The following GOLPH3L variants were observed in gnomAD, a reference collection of about 807,000 sequenced individuals.
The protein encoded by GOLPH3L is golgi phosphoprotein 3 like, also known as Golgi phosphoprotein 3-like.
GOLPH3L carries 22 observed loss-of-function variants against 30.3 expected under a neutral mutation model. The observed-to-expected ratio is 0.73, with a 90% CI of 0.52 to 1.04. GOLPH3L has a LOEUF of 1.04. GOLPH3L is among the 50% of genes least tolerant of loss of function. The pLI is 0.00. For missense variants in GOLPH3L, 303 were observed against 345.8 expected (o/e 0.88, Z 0.98); for synonymous variants, 120 against 128.2 (o/e 0.94, Z 0.43).
chr1:150,654,636 C>A (rs1246850729), intron 4 of GOLPH3L, among the ~76,000 whole-genome samples: 1 of 152,216 alleles, frequency 6.6e-6, no homozygotes, highest in Non-Finnish European at 1.5e-5. Context: ...TACATTTGAG[C>A]CTTTTCCTTT....
At chr1:150,657,976 C>A (rs587649016) in intron 4 of GOLPH3L, among the ~76,000 whole-genome samples, 1 of 152,142 alleles carries the variant, frequency 6.6e-6, no homozygotes, top group African/African-American at 2.4e-5. Context: ...TGGAGAGATC[C>A]GGTAGCAAAA....
intron 4 of GOLPH3L, among the ~76,000 whole-genome samples, chr1:150,654,898 T>G (rs1650208702): frequency 6.6e-6 from 1 of 152,246 alleles, no homozygotes; most frequent in Admixed American, 6.5e-5. Context: ...AGTTTAAGTT[T>G]AAAAGGAGTA....
chr1:150,674,907 G>A (rs1650736315), intron 2 of GOLPH3L, among the ~76,000 whole-genome samples: 1 of 151,524 alleles, frequency 6.6e-6, no homozygotes, highest in Non-Finnish European at 1.5e-5. Context: ...AAAAAAAAGA[G>A]AGAAACAGGG....
At chr1:150,686,814 G>A (rs1040204222) in intron 2 of GOLPH3L, among the ~76,000 whole-genome samples, 3 of 152,144 alleles carry the variant, frequency 2.0e-5, no homozygotes, top group Non-Finnish European at 4.4e-5. Context: ...GAATTAGGGA[G>A]AAGATCTTAA....
chr1:150,694,736 T>C lies in GOLPH3L; in HGVS notation c.103A>G (p.Asn35Asp). ...TCCTTAGAGTCTCCAGAATCTTCAT[T>C]GTCTGGACTTTTCTCCCAATTACTG... The part of the protein sequence containing the change: ...EDSNWEKSPD[N>D]EDSGDSKDIR... The change falls in exon 2 of 5, where the codon AAT (asparagine) becomes GAT (aspartate). Residue 35 changes from asparagine to aspartate, a missense_variant. Physicochemically the swap from Asn to Asp is conservative, Grantham distance 23. Transcript: ENST00000271732. The C allele has an allele frequency of 1.2e-6, 2 of 1,606,802 alleles. No homozygotes were observed. The highest frequency in any genetic ancestry group is 1.7e-6 in the Non-Finnish European group (2 of 1,173,358).
At chr1:150,693,674 A>G (rs991964024) in intron 2 of GOLPH3L, among the ~76,000 whole-genome samples, 2 of 151,582 alleles carry the variant, frequency 1.3e-5, no homozygotes, top group African/African-American at 2.4e-5. Context: ...TCAGGACCTT[A>G]AGACTAACTG....
At chr1:150,659,243 C>A (rs1016863066) in intron 4 of GOLPH3L, among the ~76,000 whole-genome samples, 1 of 152,146 alleles carries the variant, frequency 6.6e-6, no homozygotes, top group Non-Finnish European at 1.5e-5. Flanking sequence ...GAATAGGCCT[C>A]AAAAATCTGG....
At chr1:150,651,223 G>T (rs1650096832) in intron 4 of GOLPH3L, among the ~76,000 whole-genome samples, 1 of 152,060 alleles carries the variant, frequency 6.6e-6, no homozygotes, top group Non-Finnish European at 1.5e-5. Context: ...CTGAGGCAGA[G>T]AATCGCTTGA....
At chr1:150,659,517 C>A (rs985361560) in intron 4 of GOLPH3L, among the ~76,000 whole-genome samples, 1 of 152,194 alleles carries the variant, frequency 6.6e-6, no homozygotes, top group Non-Finnish European at 1.5e-5. Context: ...CCCTTTATTT[C>A]CCATAAGGAA....
intron 2 of GOLPH3L, 59 bp from the exon 3 acceptor site, chr1:150,663,822 A>G: frequency 6.7e-7 from 1 of 1,492,760 alleles, no homozygotes; most frequent in Non-Finnish European, 9.3e-7. Context: ...GACTTCCAGC[A>G]GGCACCCTAA....
chr1:150,665,640 T>A (rs915827371), intron 2 of GOLPH3L, among the ~76,000 whole-genome samples: 10 of 152,208 alleles, frequency 6.6e-5, no homozygotes, highest in Admixed American at 2.0e-4. Flanking sequence ...ATATTAATAT[T>A]TTAACCACTC....
intron 2 of GOLPH3L, among the ~76,000 whole-genome samples, chr1:150,679,282 A>G (rs16839505): frequency 0.041 from 6,268 of 152,248 alleles, 429 homozygotes; most frequent in African/African-American, 0.14. Context: ...GCACTACCCC[A>G]AATAGCGAAG....
chr1:150,687,552 G>A (rs1342729249), intron 2 of GOLPH3L, among the ~76,000 whole-genome samples: 1 of 151,150 alleles, frequency 6.6e-6, no homozygotes, highest in Non-Finnish European at 1.5e-5. Context: ...TCTAGCTTAG[G>A]TAACAAGAGC....
At position 150,683,699 on chromosome 1, in the gene GOLPH3L, C is replaced by CAAAAAA. The variant is rs397981524; in HGVS notation, c.183+10951_183+10956dup. 4.2e-3 allele frequency among the ~76,000 whole-genome samples: 63 copies of CAAAAAA among 14,950 alleles called. 9 individuals are homozygous for CAAAAAA. The highest frequency in any genetic ancestry group is 6.3e-3 in the African/African-American group (31 of 4,916). 9.8% of individuals were successfully genotyped at this position (14,950 alleles called of 152,430 possible). A position where few individuals can be genotyped will look rare whatever the true frequency, so the allele number is the denominator to read the frequency against. On this transcript the variant is annotated intron_variant, in intron 2 of 4. Coordinates refer to ENST00000271732, the MANE Select transcript of GOLPH3L (RefSeq NM_018178.6). ...TGGGTGACAGAGCGAGACTCTCTCT[C>CAAAAAA]AAAAAAAAAAAAAAAAAAAAAAAAA...
At chr1:150,685,815 T>G (rs1366460862) in intron 2 of GOLPH3L, among the ~76,000 whole-genome samples, 1 of 152,028 alleles carries the variant, frequency 6.6e-6, no homozygotes, top group East Asian at 1.9e-4. Flanking sequence ...TCCTGAACAA[T>G]TCTCTTTATT....
chr1:150,661,975 C>A (rs746253177), intron 3 of GOLPH3L, 47 bp from the exon 4 acceptor site: 1 of 853,344 alleles, frequency 1.2e-6, no homozygotes, highest in South Asian at 1.3e-5. Flanking sequence ...TCACTTCATT[C>A]AAGTTAAAAT....
rs1471795621 is a variant in GOLPH3L, at chr1:150,646,433, C to A, written c.*1888G>T. On this transcript the variant is annotated 3_prime_UTR_variant, in exon 5 of 5. Transcript: ENST00000271732. ...AAGCTATAACTTTCCACAGGAAAAC[C>A]TGGTTTCAATTCATGCCGAATTGTT... 2 of 152,118 alleles carry A rather than the reference C, an allele frequency of 1.3e-5. No homozygotes were observed. The highest frequency in any genetic ancestry group is 2.4e-5 in the African/African-American group (1 of 41,422). The allele number at this position is 152,118 out of a possible 1,614,324, so 9.4% of individuals were successfully genotyped here. A position where few individuals can be genotyped will look rare whatever the true frequency, so the allele number is the denominator to read the frequency against.
At chr1:150,652,706 G>T (rs1650152421) in intron 4 of GOLPH3L, among the ~76,000 whole-genome samples, 1 of 152,032 alleles carries the variant, frequency 6.6e-6, no homozygotes, top group African/African-American at 2.4e-5. Flanking sequence ...TTATATAATT[G>T]TTATTGTTGA....
chr1:150,685,702 G>A (rs1408327057), intron 2 of GOLPH3L, among the ~76,000 whole-genome samples: 1 of 151,484 alleles, frequency 6.6e-6, no homozygotes, highest in African/African-American at 2.4e-5. Flanking sequence ...GCAACAGAAT[G>A]AGAGTCCATC....
Sources: allele counts gnomAD v4.1 joint callset (sites outside exome capture counted in the v4.1 genomes callset), GRCh38; gene constraint gnomAD v4.1.1; transcripts MANE v1.5; gene names NCBI Gene and HGNC (gene_info 2026-07-23, HGNC 2026-07-21).